Variants in METTL15 observed in about 807,000 individuals in gnomAD.
The protein encoded by METTL15 is 12S rRNA N(4)-cytidine methyltransferase METTL15.
A neutral mutation model predicts 38.3 loss-of-function variants in METTL15; 34 were observed. That is an observed-to-expected ratio of 0.89 (90% confidence interval 0.68 to 1.18). The LOEUF (loss-of-function observed/expected upper bound fraction) is 1.18. METTL15 is among the 50% of genes most tolerant of loss of function. METTL15 has a pLI of 0.00. For missense variants in METTL15, 438 were observed against 498.4 expected (o/e 0.88, Z 1.15); for synonymous variants, 162 against 170.9 (o/e 0.95, Z 0.41).
chr11:28,445,950 C>T (rs1851071879), intron 6 of METTL15, among the ~76,000 whole-genome samples: 1 of 152,162 alleles, frequency 6.6e-6, no homozygotes, highest in African/African-American at 2.4e-5. Context: ...CGTGCCTGGC[C>T]TGGCCTGTTA....
intron 6 of METTL15, among the ~76,000 whole-genome samples, chr11:28,428,701 C>A (rs1299509403): frequency 1.3e-5 from 2 of 152,180 alleles, no homozygotes; most frequent in East Asian, 3.9e-4. Context: ...GGGCTCAAGA[C>A]CATCATTCTG....
chr11:28,526,710 G>C (rs1187299952), exon 8 of METTL15: 1 of 152,234 alleles, frequency 6.6e-6, no homozygotes, highest in Non-Finnish European at 1.5e-5. Flanking sequence ...TCTTGATCTT[G>C]GGGTCTAACC....
chr11:28,421,973 T>C (rs906422077), intron 5 of METTL15, among the ~76,000 whole-genome samples: 18 of 152,110 alleles, frequency 1.2e-4, no homozygotes, highest in Admixed American at 1.1e-3. Flanking sequence ...CTATTACTAA[T>C]AAACACATTC....
chr11:28,248,354 T>G (rs755495229), intron 4 of METTL15, among the ~76,000 whole-genome samples: 3 of 152,052 alleles, frequency 2.0e-5, no homozygotes, highest in Non-Finnish European at 4.4e-5. Context: ...TGGGGTAATT[T>G]TTGGCTGACC....
At chr11:28,381,915 C>G (rs1464316673) in intron 5 of METTL15, among the ~76,000 whole-genome samples, 1 of 150,762 alleles carries the variant, frequency 6.6e-6, no homozygotes, top group African/African-American at 2.4e-5. Flanking sequence ...TTTCCTGTTT[C>G]CTTTTTTTTT....
intron 4 of METTL15, among the ~76,000 whole-genome samples, chr11:28,217,929 G>T (rs1271620713): frequency 1.3e-5 from 2 of 151,978 alleles, no homozygotes; most frequent in Non-Finnish European, 2.9e-5. Flanking sequence ...TCTCTGTTTT[G>T]GTACCAGTAC....
intron 3 of METTL15, among the ~76,000 whole-genome samples, chr11:28,136,207 C>G (rs967032656): frequency 6.6e-6 from 1 of 152,116 alleles, no homozygotes; most frequent in Non-Finnish European, 1.5e-5. Context: ...TGTCCCCACC[C>G]AAATTTTACC....
chr11:28,260,054 C>T (rs1855137502), intron 4 of METTL15, among the ~76,000 whole-genome samples: 4 of 152,196 alleles, frequency 2.6e-5, no homozygotes, highest in Admixed American at 6.5e-5. Context: ...TGTAGCCTGG[C>T]TTACTGCAAA....
At chr11:28,423,038 A>G (rs1429214284) in intron 5 of METTL15, among the ~76,000 whole-genome samples, 1 of 152,104 alleles carries the variant, frequency 6.6e-6, no homozygotes, top group Non-Finnish European at 1.5e-5. Flanking sequence ...AAATGGGCAG[A>G]AGATATGAAT....
intron 5 of METTL15, among the ~76,000 whole-genome samples, chr11:28,370,506 G>A (rs1162811598): frequency 1.3e-5 from 2 of 151,856 alleles, no homozygotes; most frequent in Non-Finnish European, 2.9e-5. Context: ...GAATAGTGCT[G>A]CAAGAAATGT....
intron 4 of METTL15, among the ~76,000 whole-genome samples, chr11:28,222,652 G>A (rs1052828132): frequency 9.9e-5 from 15 of 152,108 alleles, no homozygotes; most frequent in Non-Finnish European, 1.8e-4. Flanking sequence ...GCTCATGCTG[G>A]GTGCTGTAGA....
intron 6 of METTL15, among the ~76,000 whole-genome samples, chr11:28,300,907 T>G (rs1176420308): frequency 2.0e-5 from 3 of 152,172 alleles, no homozygotes; most frequent in African/African-American, 7.2e-5. Context: ...AACTAGATTC[T>G]TCATCACCTC....
intron 6 of METTL15, among the ~76,000 whole-genome samples, chr11:28,437,865 G>A (rs1850996631): frequency 6.6e-6 from 1 of 152,278 alleles, no homozygotes; most frequent in African/African-American, 2.4e-5. Flanking sequence ...AGTTACATTT[G>A]TTGAATGAAT....
intron 4 of METTL15, among the ~76,000 whole-genome samples, chr11:28,280,288 A>C (rs1248586281): frequency 6.6e-6 from 1 of 152,078 alleles, no homozygotes; most frequent in Non-Finnish European, 1.5e-5. Flanking sequence ...TTTATCTTAG[A>C]ATATCTCTAT....
chr11:28,246,040 T>G (rs1590213670), intron 4 of METTL15, among the ~76,000 whole-genome samples: 1 of 152,256 alleles, frequency 6.6e-6, no homozygotes, highest in South Asian at 2.1e-4. Flanking sequence ...ATAAAAATAT[T>G]ATTTCTGGCG....
chr11:28,341,780 G>T (rs1487243272), intron 3 of METTL15, among the ~76,000 whole-genome samples: 1 of 152,130 alleles, frequency 6.6e-6, no homozygotes, highest in Non-Finnish European at 1.5e-5. Context: ...TATTGGACAT[G>T]CCAGTGTACT....
Position 28,255,645 on chromosome 11 carries a change from T to C in METTL15, c.408-34561T>C, listed in dbSNP as rs1231999582. On this transcript the variant is annotated intron_variant, in intron 4 of 6. Coordinates refer to ENST00000407364, the MANE Select transcript of METTL15 (RefSeq NM_001113528.2). ...CTTCAGTACCCAGTTTTTTAAAGAG[T>C]TTTTATTATAAAGGTATATTGAATT... Among the ~76,000 whole-genome samples, 4 of 152,246 alleles carry C rather than the reference T, an allele frequency of 2.6e-5. No homozygotes were observed. In the East Asian group the frequency reaches 7.7e-4, roughly 29 times the overall value.
intron 3 of METTL15, among the ~76,000 whole-genome samples, chr11:28,174,109 G>C (rs1850962520): frequency 6.6e-6 from 1 of 152,112 alleles, no homozygotes; most frequent in Non-Finnish European, 1.5e-5. Flanking sequence ...TAAGGAGTAG[G>C]GAGTTACACT....
At chr11:28,350,299 A>G (rs1028903319) in intron 3 of METTL15, among the ~76,000 whole-genome samples, 1 of 152,212 alleles carries the variant, frequency 6.6e-6, no homozygotes, top group East Asian at 1.9e-4. Flanking sequence ...CAAGAGGATA[A>G]TTTTAGATGT....
Sources: gnomAD v4.1 joint callset for allele counts (sites outside exome capture counted in the v4.1 genomes callset) on GRCh38, gnomAD v4.1.1 for gene constraint, MANE v1.5 for transcripts, NCBI Gene and HGNC (gene_info 2026-07-23, HGNC 2026-07-21) for gene names.